Variants in SYNPO2 observed in about 807,000 individuals in gnomAD.
SYNPO2 encodes synaptopodin-2.
Under a neutral mutation model 85.0 loss-of-function variants are expected in SYNPO2, and 56 were observed. The ratio of observed to expected loss-of-function variants is 0.66; its 90% CI spans 0.53 to 0.82. The LOEUF is 0.82. Among genes scored for constraint, SYNPO2 ranks in the 40% least tolerant of loss-of-function variants. The probability of loss-of-function intolerance (pLI) is 0.00; values close to 1 mark genes in which losing one functional copy is unlikely to be tolerated. For missense variants in SYNPO2, 1,575 were observed against 1,534.2 expected, an observed-to-expected ratio of 1.03 and a Z score of -0.44; for synonymous variants, 602 against 591.1, an observed-to-expected ratio of 1.02 and a Z score of -0.27.
chr4:119,015,756 A>G (rs746454218), intron 1 of SYNPO2, among the ~76,000 whole-genome samples: 1 of 152,214 alleles, frequency 6.6e-6, no homozygotes, highest in Non-Finnish European at 1.5e-5. Context: ...CATTATTATT[A>G]ATGCCCATTA....
At chr4:118,879,813 G>A (rs1014279891) in intron 1 of SYNPO2, among the ~76,000 whole-genome samples, 1 of 152,012 alleles carries the variant, frequency 6.6e-6, no homozygotes, top group Non-Finnish European at 1.5e-5. Flanking sequence ...TGTGACATGC[G>A]TGTGGCTGAA....
intron 1 of SYNPO2, among the ~76,000 whole-genome samples, chr4:118,867,979 G>C (rs1241452161): frequency 6.9e-6 from 1 of 145,686 alleles, no homozygotes; most frequent in Non-Finnish European, 1.5e-5. Context: ...GTTTAACTTT[G>C]AATAAAAACA....
chr4:118,998,959 C>T (rs548197879), intron 1 of SYNPO2, among the ~76,000 whole-genome samples: 3 of 151,978 alleles, frequency 2.0e-5, no homozygotes, highest in African/African-American at 7.2e-5. Context: ...GTCCTTTAAA[C>T]GTCAGCAGAG....
chr4:118,931,524 T>C (rs1733933801), intron 1 of SYNPO2, among the ~76,000 whole-genome samples: 1 of 152,186 alleles, frequency 6.6e-6, no homozygotes, highest in South Asian at 2.1e-4. Flanking sequence ...CTCCAGGAAA[T>C]GCAGGGAAAA....
chr4:119,051,187 T>TG (rs1553950325), intron 4 of SYNPO2, among the ~76,000 whole-genome samples: 1,325 of 4,344 alleles, frequency 0.31, 73 homozygotes, highest in African/African-American at 0.34. Context: ...TGGGAAGCAA[T>TG]TTTTTTTTTT....
At chr4:118,933,367 G>T (rs1201101515) in intron 1 of SYNPO2, among the ~76,000 whole-genome samples, 1 of 152,204 alleles carries the variant, frequency 6.6e-6, no homozygotes, top group Non-Finnish European at 1.5e-5. Flanking sequence ...GGCTACTGAT[G>T]TGGGGTCTTA....
chr4:118,922,987 A>C (rs893176564), intron 1 of SYNPO2, among the ~76,000 whole-genome samples: 3 of 152,180 alleles, frequency 2.0e-5, no homozygotes, highest in African/African-American at 7.2e-5. Context: ...GGACAAAGTA[A>C]ATCTTTAAAA....
At chr4:119,014,798 GCTGT>G (rs1737464237) in intron 1 of SYNPO2, among the ~76,000 whole-genome samples, 1 of 152,156 alleles carries the variant, frequency 6.6e-6, no homozygotes, top group Admixed American at 6.5e-5. Context: ...TCCCCGAAAG[GCTGT>G]CTTTCTGATG....
chr4:118,998,414 G>T (rs978491594), intron 1 of SYNPO2, among the ~76,000 whole-genome samples: 4 of 152,154 alleles, frequency 2.6e-5, no homozygotes, highest in Non-Finnish European at 4.4e-5. Context: ...TATTTTCTAT[G>T]TGTCTGATGA....
intron 1 of SYNPO2, among the ~76,000 whole-genome samples, chr4:118,857,069 T>C (rs1186722806): frequency 6.6e-6 from 1 of 152,104 alleles, no homozygotes. Flanking sequence ...ATCAAAATAA[T>C]TTATTAATAA....
rs1290867101 is a variant in SYNPO2, at chr4:118,984,371, ATTAAAAAAATCCTC to A, written c.106-39056_106-39043del. 2.0e-5 allele frequency among the ~76,000 whole-genome samples: 3 copies of A among 152,356 alleles called. No homozygotes were observed. In the East Asian group the frequency reaches 5.8e-4, roughly 29 times the overall value. ...TTAAACATTAGATATTATCTGTTTA[ATTAAAAAAATCCTC>A]TTCAGTTATTCTTCTGCTCAAAATC... is the stretch of plus-strand genomic sequence containing the variant. On this transcript the variant is annotated intron_variant, in intron 1 of 4. Transcript: ENST00000307142.
intron 1 of SYNPO2, among the ~76,000 whole-genome samples, chr4:119,004,322 C>T (rs935508449): frequency 6.6e-6 from 1 of 151,798 alleles, no homozygotes; most frequent in African/African-American, 2.4e-5. Flanking sequence ...GTGTGCTGCA[C>T]CCATTAACTC....
intron 1 of SYNPO2, among the ~76,000 whole-genome samples, chr4:119,021,142 A>G (rs780022115): frequency 1.2e-4 from 19 of 152,324 alleles, no homozygotes; most frequent in Non-Finnish European, 2.2e-4. Flanking sequence ...ATTTATGACA[A>G]TAGAAGGATG....
intron 1 of SYNPO2, among the ~76,000 whole-genome samples, chr4:118,897,886 T>G (rs910074493): frequency 1.1e-4 from 17 of 152,280 alleles, no homozygotes; most frequent in African/African-American, 4.1e-4. Context: ...GCTGGAGAGA[T>G]TTTTGTGACC....
At chr4:118,956,232 G>C (rs1017024668) in intron 1 of SYNPO2, among the ~76,000 whole-genome samples, 7 of 152,130 alleles carry the variant, frequency 4.6e-5, no homozygotes, top group African/African-American at 1.7e-4. Context: ...ATAACCTTAG[G>C]TAATGTCCAT....
At chr4:118,991,868 G>A (rs139814749) in intron 1 of SYNPO2, among the ~76,000 whole-genome samples, 92 of 152,304 alleles carry the variant, frequency 6.0e-4, no homozygotes, top group Middle Eastern at 3.4e-3. Context: ...GAAATGCCCC[G>A]AAGCAGAGAA....
chr4:118,890,695 G>GTT (rs1242115823), intron 1 of SYNPO2, among the ~76,000 whole-genome samples: 12 of 19,084 alleles, frequency 6.3e-4, no homozygotes, highest in Admixed American at 2.1e-3. Flanking sequence ...TGTCTCATCG[G>GTT]TTTCTCTCTC....
At chr4:118,951,274 G>T (rs1734687341) in intron 1 of SYNPO2, among the ~76,000 whole-genome samples, 1 of 152,170 alleles carries the variant, frequency 6.6e-6, no homozygotes. Flanking sequence ...CTGCTTCCAA[G>T]ATGCTGCCTT....
At chr4:119,033,991 A>G (rs1394649935) in intron 4 of SYNPO2, 1 of 985,336 alleles carries the variant, frequency 1.0e-6, no homozygotes, top group African/African-American at 1.7e-5. Flanking sequence ...GTGGAAATTT[A>G]CCTAGAGGTT....
Sources: allele counts gnomAD v4.1 joint callset (sites outside exome capture counted in the v4.1 genomes callset), GRCh38; gene constraint gnomAD v4.1.1; transcripts MANE v1.5; gene names NCBI Gene and HGNC (gene_info 2026-07-23, HGNC 2026-07-21).